The following SNTG2 variants were observed in gnomAD, a reference collection of about 807,000 sequenced individuals.
SNTG2 encodes gamma-2-syntrophin.
SNTG2 carries 74 observed loss-of-function variants against 70.9 expected under a neutral mutation model. That is an observed-to-expected ratio of 1.04 (90% CI 0.86 to 1.27). The LOEUF (loss-of-function observed/expected upper bound fraction) is 1.27. Ranked by LOEUF, SNTG2 falls within the 50% of genes most tolerant of loss-of-function variation. The pLI, the probability that SNTG2 is intolerant of heterozygous loss-of-function variation, is 0.00. For synonymous variants in SNTG2, 278 were observed against 273.8 expected, an observed-to-expected ratio of 1.02 and a Z score of -0.15; for missense variants, 717 against 690.7, an observed-to-expected ratio of 1.04 and a Z score of -0.43.
At chr2:1,103,633 CCCCTTTGGCCT>C (rs1323301905) in intron 4 of SNTG2, among the ~76,000 whole-genome samples, 3 of 152,180 alleles carry the variant, frequency 2.0e-5, no homozygotes, top group Non-Finnish European at 4.4e-5. Flanking sequence ...CATGATCCTC[CCCCTTTGGCCT>C]CCCAAAGTAC....
intron 1 of SNTG2, among the ~76,000 whole-genome samples, chr2:1,037,848 T>C (rs930037950): frequency 6.6e-6 from 1 of 152,204 alleles, no homozygotes; most frequent in Non-Finnish European, 1.5e-5. Context: ...TCATGAGGGA[T>C]GGACTTTCTG....
At chr2:992,720 A>G (rs1276872268) in intron 1 of SNTG2, among the ~76,000 whole-genome samples, 3 of 152,194 alleles carry the variant, frequency 2.0e-5, no homozygotes, top group Non-Finnish European at 4.4e-5. Flanking sequence ...TCATGTTGAA[A>G]AGCAGCTGCC....
chr2:1,099,937 A>G (rs1039494507), intron 4 of SNTG2, among the ~76,000 whole-genome samples: 1 of 152,214 alleles, frequency 6.6e-6, no homozygotes, highest in African/African-American at 2.4e-5. Context: ...ACCTGCCGTT[A>G]AACTTGCAGC....
chr2:1,349,139 G>A (rs915809994), intron 16 of SNTG2, among the ~76,000 whole-genome samples: 2 of 152,206 alleles, frequency 1.3e-5, no homozygotes, highest in African/African-American at 4.8e-5. Context: ...TGGCTGGGTT[G>A]GGGATGAAAC....
At chr2:1,185,135 A>G (rs1312817310) in intron 8 of SNTG2, among the ~76,000 whole-genome samples, 3 of 152,208 alleles carry the variant, frequency 2.0e-5, no homozygotes, top group African/African-American at 4.8e-5. Flanking sequence ...TAAATCTTAA[A>G]GCTCCAAAAT....
chr2:1,059,737 TA>T (rs1662693182), intron 1 of SNTG2, among the ~76,000 whole-genome samples: 1 of 152,146 alleles, frequency 6.6e-6, no homozygotes, highest in Non-Finnish European at 1.5e-5. Context: ...ATTTAATCTT[TA>T]CTTAGAGACC....
chr2:1,141,336 A>G (rs1572546358), intron 6 of SNTG2, among the ~76,000 whole-genome samples: 1 of 152,268 alleles, frequency 6.6e-6, no homozygotes, highest in South Asian at 2.1e-4. Context: ...GTGCCGGAAC[A>G]CAAAGTATGC....
intron 8 of SNTG2, among the ~76,000 whole-genome samples, chr2:1,208,041 A>C (rs1343992236): frequency 6.6e-6 from 1 of 152,202 alleles, no homozygotes; most frequent in Non-Finnish European, 1.5e-5. Flanking sequence ...CTGTTTTCTC[A>C]CGGCGCCCCT....
At chr2:1,003,335 A>G (rs1659467585) in intron 1 of SNTG2, among the ~76,000 whole-genome samples, 1 of 152,086 alleles carries the variant, frequency 6.6e-6, no homozygotes, top group African/African-American at 2.4e-5. Context: ...GTGGCCTGGA[A>G]TTGGGTAAGG....
At chr2:1,221,871 CTCTCTCTCTGTCTCTGTCTG>C (rs1674987405) in intron 9 of SNTG2, among the ~76,000 whole-genome samples, 1 of 2,920 alleles carries the variant, frequency 3.4e-4, no homozygotes, top group Admixed American at 3.6e-3. Context: ...CTCTGTCTCT[CTCTCTCTCTGTCTCTGTCTG>C]TGTCTCTCTC....
intron 1 of SNTG2, among the ~76,000 whole-genome samples, chr2:1,057,768 A>G (rs1662556471): frequency 6.6e-6 from 1 of 152,200 alleles, no homozygotes; most frequent in African/African-American, 2.4e-5. Context: ...GCAAAATATA[A>G]ATGCCTCTAA....
At chr2:984,819 T>C (rs1661251615) in intron 1 of SNTG2, among the ~76,000 whole-genome samples, 1 of 152,220 alleles carries the variant, frequency 6.6e-6, no homozygotes. Context: ...CACCCACTTC[T>C]CAGTTCCTGA....
chr2:1,264,182 A>T (rs1224034637), intron 13 of SNTG2, among the ~76,000 whole-genome samples: 1 of 152,262 alleles, frequency 6.6e-6, no homozygotes, highest in African/African-American at 2.4e-5. Flanking sequence ...AGTCTATTTC[A>T]TCATTTACTC....
rs529543522 is a variant in SNTG2, at chr2:1,099,844, C to T, written c.325+1434C>T. ...AATGCGTTGCCATGAAATTTGCATC[C>T]GGGTAAAGATTCTTTTTCGGCAGAA... is the stretch of plus-strand genomic sequence containing the variant. On this transcript the variant is annotated intron_variant, in intron 4 of 16. Transcript: ENST00000308624. 3.3e-5 allele frequency among the ~76,000 whole-genome samples: 5 copies of T among 152,270 alleles called. No homozygotes were observed. The South Asian group carries it at 8.3e-4, about 25-fold the overall frequency.
intron 1 of SNTG2, among the ~76,000 whole-genome samples, chr2:1,001,220 T>G (rs1047700303): frequency 7.9e-5 from 12 of 151,964 alleles, no homozygotes; most frequent in African/African-American, 2.9e-4. Flanking sequence ...GATGAAGATG[T>G]TCACTCTCAC....
At chr2:1,313,490 G>A (rs1301216196) in intron 15 of SNTG2, among the ~76,000 whole-genome samples, 3 of 152,196 alleles carry the variant, frequency 2.0e-5, no homozygotes, top group African/African-American at 4.8e-5. Flanking sequence ...GTCCAATTGC[G>A]CTTTGGAGAA....
chr2:1,129,593 G>A (rs547138944), intron 4 of SNTG2, among the ~76,000 whole-genome samples: 1 of 152,230 alleles, frequency 6.6e-6, no homozygotes, highest in African/African-American at 2.4e-5. Context: ...AACTTTGTAT[G>A]TATTATTTGT....
At chr2:954,171 G>A (rs1660069535) in intron 1 of SNTG2, among the ~76,000 whole-genome samples, 1 of 152,182 alleles carries the variant, frequency 6.6e-6, no homozygotes, top group Non-Finnish European at 1.5e-5. Flanking sequence ...GCGCTGCTGG[G>A]CATGGGGCGG....
At chr2:1,056,084 C>T (rs929503870) in intron 1 of SNTG2, among the ~76,000 whole-genome samples, 1 of 151,850 alleles carries the variant, frequency 6.6e-6, no homozygotes, top group African/African-American at 2.4e-5. Flanking sequence ...GGGACCCAGG[C>T]GGCTCCTCTG....
Sources: gnomAD v4.1 joint callset for allele counts (sites outside exome capture counted in the v4.1 genomes callset) on GRCh38, gnomAD v4.1.1 for gene constraint, MANE v1.5 for transcripts, NCBI Gene and HGNC (gene_info 2026-07-23, HGNC 2026-07-21) for gene names.